POMK: variants seen among roughly 807,000 people sequenced by gnomAD.
POMK encodes Sugen kinase 196.
Under a neutral mutation model 23.0 loss-of-function variants are expected in POMK, and 19 were observed. The ratio of observed to expected loss-of-function variants is 0.83; its 90% confidence interval spans 0.58 to 1.21. POMK has a LOEUF of 1.21. POMK is among the 50% of genes most tolerant of loss of function. The probability of loss-of-function intolerance (pLI) is 0.00; values close to 1 mark genes in which losing one functional copy is unlikely to be tolerated. For synonymous variants in POMK, 173 were observed against 171.6 expected (o/e 1.01, Z -0.06); for missense variants, 410 against 431.3 (o/e 0.95, Z 0.44).
chr8:43,100,006 A>G (rs990687420), intron 2 of POMK, among the ~76,000 whole-genome samples: 4 of 152,208 alleles, frequency 2.6e-5, no homozygotes, highest in African/African-American at 9.6e-5. Context: ...GCGAGGCTGC[A>G]TACTGGCGGG....
intron 4 of POMK, among the ~76,000 whole-genome samples, chr8:43,104,584 T>C (rs1260788946): frequency 6.6e-6 from 1 of 152,156 alleles, no homozygotes; most frequent in East Asian, 1.9e-4. Context: ...TGATGATAAG[T>C]GAAGAAAACA....
intron 1 of POMK, among the ~76,000 whole-genome samples, chr8:43,095,968 G>T (rs1270212586): frequency 2.6e-5 from 4 of 152,230 alleles, no homozygotes; most frequent in South Asian, 2.1e-4. Context: ...CAGGAGCCGT[G>T]AGGAGAGGAA....
intron 4 of POMK, among the ~76,000 whole-genome samples, chr8:43,113,747 A>C (rs543820178): frequency 6.6e-6 from 1 of 151,978 alleles, no homozygotes; most frequent in East Asian, 1.9e-4. Flanking sequence ...GGTTTTATCT[A>C]CTTTTGGTCT....
intron 4 of POMK, among the ~76,000 whole-genome samples, chr8:43,115,693 A>G (rs374924697): frequency 6.6e-6 from 1 of 152,212 alleles, no homozygotes; most frequent in Non-Finnish European, 1.5e-5. Context: ...TCTTCAGTCT[A>G]TTCTGAACAC....
At position 43,123,311 on chromosome 8, in the gene POMK, A is replaced by C. The variant is rs187949119; in HGVS notation, c.*434A>C. 3.8e-5 allele frequency: 6 copies of C among 157,392 alleles called. No individual in the cohort carries two copies. The highest frequency in any genetic ancestry group is 3.7e-4 in the Admixed American group (6 of 16,230). 9.7% of individuals were successfully genotyped at this position (157,392 alleles called of 1,614,324 possible). ...TTCCTCGGCCTCCCAAAGTGTTGGG[A>C]TTACAGGCATGGGCCACTATGCCTG... On this transcript the variant is annotated 3_prime_UTR_variant, in exon 5 of 5. Transcript: ENST00000331373.
rs1043765725 is a variant in POMK, at chr8:43,123,006, C to T, written c.*129C>T. 5.1e-6 allele frequency: 4 copies of T among 781,630 alleles called. No homozygotes were observed. The highest frequency in any genetic ancestry group is 3.6e-5 in the South Asian group (2 of 55,698). The allele number at this position is 781,630 out of a possible 1,614,324, so 48.4% of individuals were successfully genotyped here. On this transcript the variant is annotated 3_prime_UTR_variant, in exon 5 of 5. Transcript: ENST00000331373. The stretch of plus-strand genomic sequence containing the variant: ...TTTTTTATGGCTTAGCCATGTGGTT[C>T]GTTGTCCACATCCACATGTACGTTT...
intron 4 of POMK, among the ~76,000 whole-genome samples, chr8:43,117,296 G>A (rs1811820492): frequency 2.0e-5 from 3 of 152,248 alleles, no homozygotes; most frequent in African/African-American, 7.2e-5. Flanking sequence ...GGGCTCAGAA[G>A]CCTGACGAGA....
Position 43,122,460 on chromosome 8 carries a change from G to A in POMK, c.636G>A (p.Leu212=). Residue 212 remains leucine (L), a synonymous_variant, in exon 5 of 5, where the codon CTG becomes CTA. Coordinates refer to ENST00000331373, the MANE Select transcript of POMK (RefSeq NM_032237.5). ...MCDSNDLPKT[L]SQYLLTSNFS... ...ACTCCAACGACCTGCCGAAGACACT[G>A]TCCCAGTATCTGCTAACAAGCAACT... The A allele has an allele frequency of 6.2e-7, 1 of 1,614,172 alleles. No homozygotes were observed. The highest frequency in any genetic ancestry group is 8.5e-7 in the Non-Finnish European group (1 of 1,180,030).
intron 4 of POMK, among the ~76,000 whole-genome samples, chr8:43,113,105 C>T (rs942334787): frequency 4.6e-5 from 7 of 152,186 alleles, no homozygotes; most frequent in Non-Finnish European, 1.0e-4. Flanking sequence ...TTGCTCTTCT[C>T]GAGGAGTATC....
At chr8:43,103,920 G>A in intron 4 of POMK, 90 bp downstream of exon 4, 10 of 1,334,006 alleles carry the variant, frequency 7.5e-6, no homozygotes, top group Admixed American at 2.0e-5. Context: ...CACGGATTAC[G>A]GAATTTCATC....
intron 4 of POMK, among the ~76,000 whole-genome samples, chr8:43,114,762 T>C (rs183116875): frequency 8.1e-4 from 124 of 152,148 alleles, no homozygotes; most frequent in Middle Eastern, 3.4e-3. Flanking sequence ...GCCCCTTCGA[T>C]GCTTTGAGAT....
At chr8:43,115,608 C>T (rs567595582) in intron 4 of POMK, among the ~76,000 whole-genome samples, 1 of 152,144 alleles carries the variant, frequency 6.6e-6, no homozygotes, top group Non-Finnish European at 1.5e-5. Flanking sequence ...GCCCCCCAAA[C>T]CACCCTGACC....
chr8:43,120,436 G>T (rs1012604736), intron 4 of POMK, among the ~76,000 whole-genome samples: 12 of 151,730 alleles, frequency 7.9e-5, no homozygotes, highest in African/African-American at 2.7e-4. Flanking sequence ...GGCTAGGCTG[G>T]TCTCCAACTC....
At chr8:43,097,859 G>A (rs1811365473) in intron 2 of POMK, among the ~76,000 whole-genome samples, 2 of 152,204 alleles carry the variant, frequency 1.3e-5, no homozygotes. Flanking sequence ...GGACTGGGGA[G>A]TTCTGCAGTG....
intron 4 of POMK, among the ~76,000 whole-genome samples, chr8:43,110,098 C>A (rs1811619917): frequency 6.6e-6 from 1 of 152,230 alleles, no homozygotes; most frequent in African/African-American, 2.4e-5. Context: ...TCCGTTAACA[C>A]TCTAAACTTA....
intron 4 of POMK, among the ~76,000 whole-genome samples, chr8:43,106,291 T>G (rs1278598173): frequency 1.3e-5 from 2 of 152,220 alleles, no homozygotes; most frequent in African/African-American, 2.4e-5. Context: ...TTTGTATGTC[T>G]TCTTTCGAGA....
At chr8:43,119,108 G>C (rs562060874) in intron 4 of POMK, among the ~76,000 whole-genome samples, 1 of 152,198 alleles carries the variant, frequency 6.6e-6, no homozygotes, top group East Asian at 1.9e-4. Context: ...ACTGCGGCCG[G>C]CCCCCCACTT....
chr8:43,095,365 TTTTGG>T (rs1441623166), intron 1 of POMK, among the ~76,000 whole-genome samples: 3 of 152,134 alleles, frequency 2.0e-5, no homozygotes, highest in Non-Finnish European at 4.4e-5. Flanking sequence ...ATTTGTTTTG[TTTTGG>T]TTTGGTTTGG....
chr8:43,106,661 C>T (rs981879976), intron 4 of POMK, among the ~76,000 whole-genome samples: 12 of 151,944 alleles, frequency 7.9e-5, no homozygotes, highest in African/African-American at 2.9e-4. Context: ...AGGCGCCCAC[C>T]ACCATGCCTG....
Sources: allele counts gnomAD v4.1 joint callset (sites outside exome capture counted in the v4.1 genomes callset), GRCh38; gene constraint gnomAD v4.1.1; transcripts MANE v1.5; gene names NCBI Gene and HGNC (gene_info 2026-07-23, HGNC 2026-07-21).